The following SOX5 variants were observed in gnomAD, a reference collection of about 807,000 sequenced individuals.
SOX5 encodes the protein transcription factor SOX-5.
A neutral mutation model predicts 92.0 loss-of-function variants in SOX5; 9 were observed. That is an observed-to-expected ratio of 0.10 (90% CI 0.06 to 0.17). The LOEUF (loss-of-function observed/expected upper bound fraction) is 0.17, where lower values mean the gene tolerates loss of function less well. SOX5 is among the 10% of genes least tolerant of loss of function. The pLI is 1.00. For missense variants in SOX5, 642 were observed against 944.5 expected, an observed-to-expected ratio of 0.68 and a Z score of 4.20; for synonymous variants, 344 against 336.3, an observed-to-expected ratio of 1.02 and a Z score of -0.25.
intron 4 of SOX5, among the ~76,000 whole-genome samples, chr12:24,018,933 A>T (rs1953982936): frequency 6.6e-6 from 1 of 152,186 alleles, no homozygotes; most frequent in East Asian, 1.9e-4. Flanking sequence ...CAAAATTCTT[A>T]TTTAAAAATT....
In SOX5 at chr12:24,550,572, A is replaced by G. The variant is rs577636787; in HGVS notation, c.-251+11757T>C. 3.3e-5 allele frequency among the ~76,000 whole-genome samples: 5 copies of G among 152,352 alleles called. No homozygotes were observed. The South Asian group carries it at 1.0e-3, about 32-fold the overall frequency. ...CCTAGATACTAACCTCCATGGCTAA[A>G]TACTCCACTTCTCTCTTCTGAAGAA... On this transcript the variant is annotated intron_variant, in intron 1 of 4. Transcript: ENST00000446891.
At chr12:23,696,227 C>G (rs1322699764) in intron 6 of SOX5, among the ~76,000 whole-genome samples, 5 of 151,600 alleles carry the variant, frequency 3.3e-5, no homozygotes, top group African/African-American at 1.2e-4. Flanking sequence ...AATATTTTTA[C>G]AATTCACCAA....
intron 6 of SOX5, among the ~76,000 whole-genome samples, chr12:23,681,203 A>G (rs2086569912): frequency 6.6e-6 from 1 of 152,024 alleles, no homozygotes; most frequent in South Asian, 2.1e-4. Context: ...TACAGTATTC[A>G]TTAATTTTAG....
chr12:23,905,877 G>C, intron 1 of SOX5, among the ~76,000 whole-genome samples: 1 of 152,080 alleles, frequency 6.6e-6, no homozygotes, highest in Middle Eastern at 3.4e-3. Flanking sequence ...CTTTACCTTC[G>C]ATCATTAAAA....
At position 24,041,231 on chromosome 12, in the gene SOX5, T is replaced by G. The variant is rs534217782; in HGVS notation, c.-1-145207A>C. Among the ~76,000 whole-genome samples, 10 of 152,306 alleles carry G rather than the reference T, an allele frequency of 6.6e-5. No homozygotes were observed. The East Asian group carries it at 1.9e-3, about 29-fold the overall frequency. Reference sequence around the variant, plus strand: ...TCTCTATCTTTTGAGTCCTGAGTTTTGCATATCATAAGGCTCACTGAATAC... The same window carrying G: ...TCTCTATCTTTTGAGTCCTGAGTTTGGCATATCATAAGGCTCACTGAATAC... On this transcript the variant is annotated intron_variant, in intron 4 of 4. Coordinates refer to the SOX5 transcript ENST00000446891.
intron 7 of SOX5, among the ~76,000 whole-genome samples, chr12:23,661,435 T>A (rs1179167258): frequency 6.6e-6 from 1 of 152,202 alleles, no homozygotes; most frequent in African/African-American, 2.4e-5. Context: ...AAAGTGTTTT[T>A]GACTAACCTT....
At chr12:23,680,325 CAAAAAA>C (rs57754255) in intron 6 of SOX5, among the ~76,000 whole-genome samples, 4 of 48,402 alleles carry the variant, frequency 8.3e-5, no homozygotes, top group South Asian at 1.7e-3. Flanking sequence ...GACCTTGTCT[CAAAAAA>C]AAAAAAAAAA....
chr12:23,988,784 C>G (rs1950285316), intron 4 of SOX5, among the ~76,000 whole-genome samples: 1 of 152,058 alleles, frequency 6.6e-6, no homozygotes, highest in African/African-American at 2.4e-5. Flanking sequence ...GTTAGAGGGA[C>G]TGATGGGTTG....
chr12:23,617,152 A>G (rs975809820), intron 8 of SOX5, among the ~76,000 whole-genome samples: 2 of 148,322 alleles, frequency 1.3e-5, no homozygotes, highest in Admixed American at 6.7e-5. Context: ...AAAAAAAGAT[A>G]GATGGCAGGA....
chr12:24,485,616 A>G (rs1249390192), intron 1 of SOX5, among the ~76,000 whole-genome samples: 2 of 152,196 alleles, frequency 1.3e-5, no homozygotes, highest in Non-Finnish European at 2.9e-5. Context: ...ACTAGGAAAA[A>G]AAAATGTATC....
intron 3 of SOX5, among the ~76,000 whole-genome samples, chr12:23,841,703 G>A (rs1054802348): frequency 2.0e-5 from 3 of 152,034 alleles, no homozygotes; most frequent in African/African-American, 7.2e-5. Flanking sequence ...AAAGCCCCAT[G>A]CTGTATTATT....
intron 10 of SOX5, among the ~76,000 whole-genome samples, chr12:23,569,397 CA>C (rs1947745110): frequency 1.3e-5 from 2 of 152,136 alleles, no homozygotes; most frequent in African/African-American, 4.8e-5. Context: ...GGTTTAATTG[CA>C]TGAGTTTTTA....
chr12:24,025,549 T>C (rs1954787904), intron 4 of SOX5, among the ~76,000 whole-genome samples: 1 of 152,034 alleles, frequency 6.6e-6, no homozygotes, highest in Admixed American at 6.6e-5. Context: ...GTCTGGCCTT[T>C]TAATATTCAC....
chr12:24,236,153 A>C (rs1294586976), intron 3 of SOX5, among the ~76,000 whole-genome samples: 2 of 152,102 alleles, frequency 1.3e-5, no homozygotes, highest in Non-Finnish European at 2.9e-5. Context: ...AGCCTAGATC[A>C]CACCACTGCA....
At chr12:24,471,339 T>C (rs904913219) in intron 1 of SOX5, among the ~76,000 whole-genome samples, 1 of 152,192 alleles carries the variant, frequency 6.6e-6, no homozygotes, top group Non-Finnish European at 1.5e-5. Flanking sequence ...AAATTTATTA[T>C]TGTCTAAATA....
intron 3 of SOX5, among the ~76,000 whole-genome samples, chr12:23,779,503 T>A (rs758871214): frequency 3.3e-5 from 5 of 151,416 alleles, no homozygotes; most frequent in Middle Eastern, 3.2e-3. Flanking sequence ...TGGTTAGTTT[T>A]TTACCAAATT....
chr12:23,613,490 C>A (rs566461445), intron 8 of SOX5, among the ~76,000 whole-genome samples: 1 of 152,038 alleles, frequency 6.6e-6, no homozygotes, highest in Admixed American at 6.6e-5. Context: ...TACTATATAA[C>A]CTGGTAATTT....
chr12:24,248,248 C>A (rs1939290681), intron 3 of SOX5, among the ~76,000 whole-genome samples: 1 of 152,104 alleles, frequency 6.6e-6, no homozygotes, highest in South Asian at 2.1e-4. Context: ...AGTAATTTGC[C>A]TTTGGAGGGA....
At chr12:24,018,210 T>C (rs893198362) in intron 4 of SOX5, among the ~76,000 whole-genome samples, 2 of 152,186 alleles carry the variant, frequency 1.3e-5, no homozygotes, top group Non-Finnish European at 2.9e-5. Context: ...TAAAACATTC[T>C]AAAAGTGAAA....
Sources: allele counts gnomAD v4.1 joint callset (sites outside exome capture counted in the v4.1 genomes callset), GRCh38; gene constraint gnomAD v4.1.1; transcripts MANE v1.5; gene names NCBI Gene and HGNC (gene_info 2026-07-23, HGNC 2026-07-21).